Variants in RIMS1 observed in about 807,000 individuals in gnomAD.
RIMS1 encodes the protein regulating synaptic membrane exocytosis protein 1.
A neutral mutation model predicts 214.1 loss-of-function variants in RIMS1; 83 were observed. The observed-to-expected ratio is 0.39, with a 90% CI of 0.32 to 0.47. RIMS1 has a LOEUF of 0.47. Ranked by LOEUF, RIMS1 falls within the 20% of genes least tolerant of loss-of-function variation. RIMS1 has a pLI of 0.99. For synonymous variants in RIMS1, 793 were observed against 786.8 expected, an observed-to-expected ratio of 1.01 and a Z score of -0.13; for missense variants, 2,050 against 2,161.8, an observed-to-expected ratio of 0.95 and a Z score of 1.03.
rs1237852361 is a variant in RIMS1, at chr6:72,259,016, G to T, written c.2958G>T (p.Arg986Ser). The T allele has an allele frequency of 6.2e-7, 1 of 1,612,688 alleles. No homozygotes were observed. The highest frequency in any genetic ancestry group is 8.5e-7 in the Non-Finnish European group (1 of 1,178,976). ...RSLDEIHPTR[R>S]SRSPTRHHDA... ...TAGATGAAATTCATCCAACAAGAAG[G>T]TCACGTTCTCCAACCAGACACCATG... The change falls in exon 18 of 34, where the codon AGG becomes AGT. Residue 986 changes from arginine to serine, a missense_variant. Physicochemically the swap from Arg to Ser is moderately radical, Grantham distance 110 (BLOSUM62 -1). Coordinates refer to ENST00000521978, the MANE Select transcript of RIMS1 (RefSeq NM_014989.7).
At chr6:72,156,728 AC>A (rs2153917953) in intron 4 of RIMS1, among the ~76,000 whole-genome samples, 1 of 140,892 alleles carries the variant, frequency 7.1e-6, no homozygotes, top group South Asian at 2.3e-4. Flanking sequence ...TGTATTAAAA[AC>A]ATCACTTGGT....
At chr6:72,124,266 A>G (rs906973334) in intron 4 of RIMS1, among the ~76,000 whole-genome samples, 1 of 151,836 alleles carries the variant, frequency 6.6e-6, no homozygotes, top group African/African-American at 2.4e-5. Flanking sequence ...ATCTGGGTTG[A>G]AAATTCTTTT....
At chr6:72,030,664 A>G (rs1817828088) in intron 2 of RIMS1, among the ~76,000 whole-genome samples, 1 of 152,136 alleles carries the variant, frequency 6.6e-6, no homozygotes, top group Admixed American at 6.6e-5. Context: ...TTTTAATGTT[A>G]TATTCACTTT....
intron 2 of RIMS1, among the ~76,000 whole-genome samples, chr6:72,003,600 A>G (rs1426822723): frequency 6.6e-6 from 1 of 151,742 alleles, no homozygotes; most frequent in Non-Finnish European, 1.5e-5. Flanking sequence ...TTTTGCTTGC[A>G]GGTGTGTGTC....
At chr6:72,327,290 A>C (rs1470236085) in intron 28 of RIMS1, among the ~76,000 whole-genome samples, 1 of 151,764 alleles carries the variant, frequency 6.6e-6, no homozygotes, top group Non-Finnish European at 1.5e-5. Flanking sequence ...TGTGGACCAA[A>C]GTGTTATTAC....
At chr6:71,937,731 C>G (rs1784883186) in intron 1 of RIMS1, among the ~76,000 whole-genome samples, 1 of 152,166 alleles carries the variant, frequency 6.6e-6, no homozygotes, top group Admixed American at 6.5e-5. Flanking sequence ...AGAGCCTAAT[C>G]ACCTCTTAAA....
At chr6:71,974,527 C>T (rs147188201) in intron 2 of RIMS1, among the ~76,000 whole-genome samples, 3 of 152,192 alleles carry the variant, frequency 2.0e-5, no homozygotes, top group African/African-American at 7.2e-5. Flanking sequence ...CCGAGAAAGA[C>T]TTGGCTACTC....
At chr6:72,068,741 C>G (rs1279800469) in intron 2 of RIMS1, among the ~76,000 whole-genome samples, 2 of 151,986 alleles carry the variant, frequency 1.3e-5, no homozygotes, top group African/African-American at 2.4e-5. Flanking sequence ...GAAACCCCAT[C>G]TCTCCTAAAA....
At chr6:71,909,395 C>A (rs1346908938) in intron 1 of RIMS1, among the ~76,000 whole-genome samples, 1 of 152,074 alleles carries the variant, frequency 6.6e-6, no homozygotes, top group East Asian at 1.9e-4. Flanking sequence ...TAGTGGCATA[C>A]CTTTCATGAC....
intron 1 of RIMS1, among the ~76,000 whole-genome samples, chr6:71,905,024 A>G (rs139280926): frequency 1.5e-4 from 23 of 152,238 alleles, no homozygotes; most frequent in African/African-American, 4.8e-4. Flanking sequence ...ATATGCAATA[A>G]TGGGATTTTA....
chr6:72,376,534 T>C (rs752756150), intron 29 of RIMS1, among the ~76,000 whole-genome samples: 59 of 152,164 alleles, frequency 3.9e-4, no homozygotes, highest in Non-Finnish European at 6.9e-4. Context: ...CAGGCAGATA[T>C]CGGGAGCTCA....
chr6:71,887,923 G>C (rs1768330135), intron 1 of RIMS1, among the ~76,000 whole-genome samples: 1 of 152,168 alleles, frequency 6.6e-6, no homozygotes, highest in African/African-American at 2.4e-5. Flanking sequence ...ATAACATAGA[G>C]GTTCCTCTTT....
chr6:71,974,101 G>T (rs1209284142), intron 2 of RIMS1, among the ~76,000 whole-genome samples: 1 of 152,200 alleles, frequency 6.6e-6, no homozygotes, highest in East Asian at 1.9e-4. Context: ...GTATGAGGTA[G>T]ATCTGGATTG....
In RIMS1 at chr6:72,348,567, A is replaced by G. The variant is rs548479693; in HGVS notation, c.4366+14732A>G. 2.0e-5 allele frequency among the ~76,000 whole-genome samples: 3 copies of G among 151,964 alleles called. 1 individual carries two copies. Among genetic ancestry groups the G allele is most frequent in the South Asian group, 4.1e-4 (2 of 4,832 alleles). ...CTTTTATAAGCAAGAATAAATAATT[A>G]TCATTTTAAGATTTTGATTTTTTAA... On this transcript the variant is annotated intron_variant, in intron 29 of 33. Transcript: ENST00000521978.
At chr6:72,367,778 TCTTA>T (rs1298942148) in intron 29 of RIMS1, among the ~76,000 whole-genome samples, 19 of 152,204 alleles carry the variant, frequency 1.2e-4, no homozygotes, top group African/African-American at 3.1e-4. Flanking sequence ...TAACTTCCTT[TCTTA>T]CTTCTTTCTA....
intron 22 of RIMS1, among the ~76,000 whole-genome samples, chr6:72,267,720 G>A (rs2081258505): frequency 6.6e-6 from 1 of 152,076 alleles, no homozygotes; most frequent in African/African-American, 2.4e-5. Flanking sequence ...TCTAGCATAT[G>A]TTCCCTTGTG....
At chr6:72,218,298 G>GTT (rs1395141200) in intron 6 of RIMS1, among the ~76,000 whole-genome samples, 15 of 152,170 alleles carry the variant, frequency 9.9e-5, no homozygotes, top group Admixed American at 6.5e-4. Context: ...AGTCGGCCAG[G>GTT]GACAAGGGCT....
intron 1 of RIMS1, among the ~76,000 whole-genome samples, chr6:71,938,647 C>A (rs1785164035): frequency 1.3e-5 from 2 of 152,112 alleles, no homozygotes; most frequent in African/African-American, 2.4e-5. Flanking sequence ...CCTGAGGTGG[C>A]TCTGGGGAGT....
At chr6:72,186,276 C>A (rs900932470) in intron 6 of RIMS1, among the ~76,000 whole-genome samples, 1 of 152,196 alleles carries the variant, frequency 6.6e-6, no homozygotes, top group Non-Finnish European at 1.5e-5. Context: ...TGGGTAGTAA[C>A]TTTGAGGTAA....
Sources: allele counts gnomAD v4.1 joint callset (sites outside exome capture counted in the v4.1 genomes callset), GRCh38; gene constraint gnomAD v4.1.1; transcripts MANE v1.5; gene names NCBI Gene and HGNC (gene_info 2026-07-23, HGNC 2026-07-21).